RACGAP1: variants seen among roughly 807,000 people sequenced by gnomAD.
The protein encoded by RACGAP1 is rac GTPase-activating protein 1.
A neutral mutation model predicts 78.1 loss-of-function variants in RACGAP1; 30 were observed. That is an observed-to-expected ratio of 0.38 (90% CI 0.29 to 0.52). RACGAP1 has a LOEUF of 0.52. Among genes scored for constraint, RACGAP1 ranks in the 20% least tolerant of loss-of-function variants. RACGAP1 has a pLI of 0.82. For missense variants in RACGAP1, 587 were observed against 777.1 expected (o/e 0.76, Z 2.91); for synonymous variants, 231 against 264.8 (o/e 0.87, Z 1.24).
At position 49,999,280 on chromosome 12, in the gene RACGAP1, C is replaced by A. The variant is rs369334350; in HGVS notation, c.749-9G>T. On this transcript the variant is annotated splice_polypyrimidine_tract_variant and intron_variant, in intron 8 of 16. Transcript: ENST00000312377. ...CCAAGGTTGTAAAGTACCTAGAAAA[C>A]AAGCAACTTTTAAGCTTTGTGTCTT... 5.7e-6 allele frequency: 9 copies of A among 1,591,900 alleles called. No individual in the cohort carries two copies. Among genetic ancestry groups the A allele is most frequent in the Non-Finnish European group, 6.8e-6 (8 of 1,174,476 alleles).
At chr12:50,029,254 T>G (rs1950308970), upstream of RACGAP1, among the ~76,000 whole-genome samples, 1 of 144,026 alleles carries the variant, frequency 6.9e-6, no homozygotes, top group Admixed American at 7.0e-5. Flanking sequence ...CATGGTGGTC[T>G]GCACGCCTAT....
chr12:50,010,361 T>G (rs9669202), intron 2 of RACGAP1, among the ~76,000 whole-genome samples: 9,293 of 151,100 alleles, frequency 0.062, 972 homozygotes, highest in African/African-American at 0.22. Context: ...TCTCACTCTG[T>G]TGCCCAGGCT....
chr12:50,022,018 C>T (rs1039326551), intron 1 of RACGAP1, among the ~76,000 whole-genome samples: 3 of 152,134 alleles, frequency 2.0e-5, no homozygotes, highest in Non-Finnish European at 4.4e-5. Context: ...TGTTCTCAAT[C>T]CAACATGAAG....
At chr12:49,999,556 A>C in intron 8 of RACGAP1, 60 bp downstream of exon 8, 2 of 1,454,548 alleles carry the variant, frequency 1.4e-6, no homozygotes, top group South Asian at 2.3e-5. Flanking sequence ...TAAGAAACCA[A>C]CTCTCCAAAA....
At chr12:50,027,975 G>A (rs1950295673), upstream of RACGAP1, among the ~76,000 whole-genome samples, 1 of 152,206 alleles carries the variant, frequency 6.6e-6, no homozygotes, top group Non-Finnish European at 1.5e-5. Flanking sequence ...GAAGGAAAAG[G>A]AGAGACTGGC....
chr12:49,992,633 G>A lies in RACGAP1; in HGVS notation c.1362C>T (p.Ser454=). 1 of 1,613,340 alleles carries A rather than the reference G, an allele frequency of 6.2e-7. No individual in the cohort carries two copies. Among genetic ancestry groups the A allele is most frequent in the Admixed American group, 1.7e-5 (1 of 59,762 alleles). ...EAAEITDEDN[S]IAAMYQAVGE... The stretch of plus-strand genomic sequence containing the variant: ...CAACAGCTTGGTACATGGCAGCTAT[G>A]CTGTTGTCTTCATCTGTGATTTCTG... The change falls in exon 13 of 17, where the codon AGC becomes AGT. Residue 454 remains serine (S), a synonymous_variant. Coordinates refer to ENST00000312377, the MANE Select transcript of RACGAP1 (RefSeq NM_001319999.2).
chr12:50,024,462 C>T (rs1298735647), intron 1 of RACGAP1, among the ~76,000 whole-genome samples: 1 of 152,070 alleles, frequency 6.6e-6, no homozygotes, highest in Non-Finnish European at 1.5e-5. Flanking sequence ...TCAATGGGTA[C>T]ACAGACATAC....
intron 10 of RACGAP1, among the ~76,000 whole-genome samples, chr12:49,996,321 AG>A (rs1242602201): frequency 5.0e-4 from 75 of 151,276 alleles, no homozygotes; most frequent in African/African-American, 1.7e-3. Context: ...CAAAAAAAAG[AG>A]AGACATTAAA....
chr12:49,999,484 G>T, intron 8 of RACGAP1, 132 bp downstream of exon 8: 1 of 958,310 alleles, frequency 1.0e-6, no homozygotes, highest in Non-Finnish European at 1.6e-6. Flanking sequence ...CAGTTCTCTG[G>T]TCCTCGGTAT....
At position 49,992,480 on chromosome 12, in the gene RACGAP1, C is replaced by A. The variant is rs368907426; in HGVS notation, c.1445+70G>T. 41 of 1,587,830 alleles carry A rather than the reference C, an allele frequency of 2.6e-5. No individual in the cohort carries two copies. The African/African-American group carries it at 3.0e-4, about 12-fold the overall frequency. On this transcript the variant is annotated intron_variant, in intron 13 of 16. Transcript: ENST00000312377. ...AATTCATCCCTCATACTCCCAAACACTCAACCCACATTATCTTCCCCTTGG... is the reference window on the plus strand; with the variant it reads ...AATTCATCCCTCATACTCCCAAACAATCAACCCACATTATCTTCCCCTTGG...
intron 9 of RACGAP1, among the ~76,000 whole-genome samples, chr12:49,998,359 G>A (rs778831332): frequency 8.6e-5 from 13 of 151,384 alleles, no homozygotes; most frequent in African/African-American, 2.7e-4. Flanking sequence ...AGCCGAAATC[G>A]CACCACTGCA....
intron 15 of RACGAP1, 83 bp downstream of exon 15, chr12:49,991,915 G>T: frequency 1.9e-6 from 3 of 1,565,558 alleles, no homozygotes; most frequent in Admixed American, 2.2e-5. Context: ...TTTTCAAACA[G>T]CTCTAGCAAA....
intron 1 of RACGAP1, chr12:50,018,499 T>C (rs1166019418): frequency 2.4e-6 from 3 of 1,263,730 alleles, no homozygotes; most frequent in Non-Finnish European, 2.1e-6. Context: ...TAACATATAA[T>C]GAAATAGGCA....
chr12:50,010,730 C>T (rs904064274), intron 2 of RACGAP1, among the ~76,000 whole-genome samples: 1 of 151,586 alleles, frequency 6.6e-6, no homozygotes, highest in Non-Finnish European at 1.5e-5. Flanking sequence ...GTCGGGAGTT[C>T]GAGACCAGCC....
upstream of RACGAP1, chr12:50,025,590 G>A (rs987699642): frequency 6.2e-6 from 6 of 962,142 alleles, no homozygotes; most frequent in South Asian, 9.6e-5. Flanking sequence ...ACGGGAACGG[G>A]AATGAGCATG....
At position 50,001,221 on chromosome 12, in the gene RACGAP1, G is replaced by A. The variant is rs1304661473; in HGVS notation, c.581C>T (p.Pro194Leu). 1 of 1,611,968 alleles carries A rather than the reference G, an allele frequency of 6.2e-7. No homozygotes were observed. The change falls in exon 7 of 17, where the codon CCC becomes CTC. Residue 194 changes from proline to leucine, a missense_variant. Physicochemically the swap from Pro to Leu is moderately conservative, Grantham distance 98. Coordinates refer to ENST00000312377, the MANE Select transcript of RACGAP1 (RefSeq NM_001319999.2). ...ACGAGTTTTCTTTACAGGTCCAGGG[G>A]GACCATCAACAAACTGTCGGCTAGT... is the stretch of plus-strand genomic sequence containing the variant. The part of the protein sequence containing the change: ...RSTSRQFVDG[P>L]PGPVKKTRSI...
At chr12:50,014,911 C>T (rs1463041098) in intron 2 of RACGAP1, among the ~76,000 whole-genome samples, 2 of 151,706 alleles carry the variant, frequency 1.3e-5, no homozygotes, top group African/African-American at 2.4e-5. Context: ...AGTGTGGTGG[C>T]GGACACTTAT....
At chr12:50,026,641 G>C (rs143306543), upstream of RACGAP1, among the ~76,000 whole-genome samples, 66 of 152,156 alleles carry the variant, frequency 4.3e-4, no homozygotes, top group African/African-American at 1.6e-3. Context: ...ATATAAAATT[G>C]TATTTTATCC....
rs1244538846 is a variant in RACGAP1 at position 49,989,310 on chromosome 12, C to G, written c.*958G>C. 6.6e-6 allele frequency: 1 copy of G among 152,168 alleles called. No homozygotes were observed. Among genetic ancestry groups the G allele is most frequent in the Admixed American group, 6.5e-5 (1 of 15,284 alleles). 9.4% of individuals were successfully genotyped at this position (152,168 alleles called of 1,614,324 possible). ...TAATTTTAACAGAAGAAAAAGCTCA[C>G]ATCTATCTAGATGTGGCTATGTTCC... On this transcript the variant is annotated 3_prime_UTR_variant, in exon 17 of 17. Coordinates refer to ENST00000312377, the MANE Select transcript of RACGAP1 (RefSeq NM_001319999.2).
Sources: gnomAD v4.1 joint callset for allele counts (sites outside exome capture counted in the v4.1 genomes callset) on GRCh38, gnomAD v4.1.1 for gene constraint, MANE v1.5 for transcripts, NCBI Gene and HGNC (gene_info 2026-07-23, HGNC 2026-07-21) for gene names.